The following SLC25A42 variants were observed in gnomAD, a reference collection of about 807,000 sequenced individuals.
The protein encoded by SLC25A42 is solute carrier family 25 member 42.
A neutral mutation model predicts 34.7 loss-of-function variants in SLC25A42; 19 were observed. The ratio of observed to expected loss-of-function variants is 0.55; its 90% CI spans 0.38 to 0.80. The LOEUF (loss-of-function observed/expected upper bound fraction) is 0.80, where lower values mean the gene tolerates loss of function less well. SLC25A42 is among the 30% of genes least tolerant of loss of function. The pLI is 0.00. For synonymous variants in SLC25A42, 205 were observed against 191.2 expected, an observed-to-expected ratio of 1.07 and a Z score of -0.59; for missense variants, 364 against 441.3, an observed-to-expected ratio of 0.82 and a Z score of 1.57.
intron 5 of SLC25A42, 194 bp from the exon 6 acceptor site, chr19:19,106,075 C>A: frequency 1.7e-6 from 1 of 576,756 alleles, no homozygotes. Flanking sequence ...GGAAGGCAGC[C>A]ATGTAAACCT....
At chr19:19,084,058 G>A (rs1163065725) in intron 1 of SLC25A42, among the ~76,000 whole-genome samples, 1 of 106,538 alleles carries the variant, frequency 9.4e-6, no homozygotes, top group Non-Finnish European at 1.9e-5. Context: ...ACACCTGACT[G>A]CACCCCACCA....
intron 1 of SLC25A42, among the ~76,000 whole-genome samples, chr19:19,071,332 T>C (rs2059629050): frequency 6.6e-6 from 1 of 152,134 alleles, no homozygotes; most frequent in African/African-American, 2.4e-5. Flanking sequence ...TTAATTTTGC[T>C]TTCTGGGCTG....
intron 1 of SLC25A42, among the ~76,000 whole-genome samples, chr19:19,088,871 G>C (rs900244043): frequency 6.7e-6 from 1 of 148,754 alleles, no homozygotes; most frequent in African/African-American, 2.5e-5. Context: ...GCAGCGGCAC[G>C]ATCTTGGCTC....
At chr19:19,072,290 C>A (rs1332145875) in intron 1 of SLC25A42, among the ~76,000 whole-genome samples, 1 of 152,226 alleles carries the variant, frequency 6.6e-6, no homozygotes, top group Non-Finnish European at 1.5e-5. Context: ...CGATACTTAC[C>A]AATACTTGTC....
intron 1 of SLC25A42, among the ~76,000 whole-genome samples, chr19:19,079,380 C>G (rs1474199843): frequency 2.6e-5 from 4 of 151,940 alleles, no homozygotes; most frequent in African/African-American, 9.7e-5. Flanking sequence ...TTCATCACCC[C>G]CAAAAGGAAA....
At chr19:19,069,838 T>C (rs1401310642) in intron 1 of SLC25A42, among the ~76,000 whole-genome samples, 1 of 151,838 alleles carries the variant, frequency 6.6e-6, no homozygotes, top group Non-Finnish European at 1.5e-5. Flanking sequence ...CTTTTTTTTT[T>C]TTTTTGAGAC....
intron 1 of SLC25A42, among the ~76,000 whole-genome samples, chr19:19,088,882 A>G (rs560216598): frequency 6.7e-6 from 1 of 150,066 alleles, no homozygotes; most frequent in African/African-American, 2.5e-5. Context: ...ATCTTGGCTC[A>G]CTGTAACCTC....
rs1274968060 is a variant in SLC25A42, at chr19:19,096,181, C to G, written c.57C>G (p.Val19=). 8 of 1,613,844 alleles carry G rather than the reference C, an allele frequency of 5.0e-6. No homozygotes were observed. Among genetic ancestry groups the G allele is most frequent in the Non-Finnish European group, 5.9e-6 (7 of 1,179,948 alleles). ...PVRLHEDAEA[V]LSSSVSSKRD... ...GATTGCATGAGGATGCTGAGGCTGT[C>G]CTGTCCTCGTCCGTCTCATCAAAGG... The change falls in exon 2 of 8, where the codon GTC becomes GTG. Residue 19 remains valine (V), a synonymous_variant. Transcript: ENST00000318596.
chr19:19,107,821 C>G (rs996713642), intron 6 of SLC25A42, 73 bp from the exon 7 acceptor site: 8 of 1,567,686 alleles, frequency 5.1e-6, no homozygotes, highest in Non-Finnish European at 7.0e-6. Context: ...CGGGAGGAGC[C>G]GAGAGCCTCT....
chr19:19,106,245 G>C (rs758951143), intron 5 of SLC25A42, 24 bp from the exon 6 acceptor site: 6 of 1,595,436 alleles, frequency 3.8e-6, no homozygotes, highest in Middle Eastern at 1.8e-4. Context: ...CTGCCGTCTC[G>C]CCTTCTCCTC....
At chr19:19,105,306 C>A (rs957554314) in intron 4 of SLC25A42, 1 of 581,116 alleles carries the variant, frequency 1.7e-6, no homozygotes. Flanking sequence ...GCCTGGTTCG[C>A]TTTGCAGTCC....
At chr19:19,074,723 A>ATGTG (rs35554466) in intron 1 of SLC25A42, among the ~76,000 whole-genome samples, 21 of 150,700 alleles carry the variant, frequency 1.4e-4, no homozygotes, top group African/African-American at 4.1e-4. Flanking sequence ...GCGTGCGTGT[A>ATGTG]TGTGTGTGTG....
chr19:19,108,139 C>T (rs2059843908), intron 7 of SLC25A42, 94 bp downstream of exon 7: 7 of 1,420,402 alleles, frequency 4.9e-6, no homozygotes, highest in Admixed American at 2.5e-5. Flanking sequence ...GGAGACCAGG[C>T]GGAGTGGGGT....
chr19:19,106,240 G>A (rs1163158878), intron 5 of SLC25A42, 29 bp from the exon 6 acceptor site: 2 of 1,589,564 alleles, frequency 1.3e-6, no homozygotes, highest in Non-Finnish European at 1.7e-6. Flanking sequence ...CCTCACTGCC[G>A]TCTCGCCTTC....
chr19:19,097,330 GGGGTCA>G (rs1568519224), intron 2 of SLC25A42, among the ~76,000 whole-genome samples: 2 of 152,158 alleles, frequency 1.3e-5, no homozygotes, highest in African/African-American at 4.8e-5. Flanking sequence ...CTCATTCACC[GGGGTCA>G]CCACCAGGTG....
chr19:19,100,549 C>A (rs1407913369), intron 2 of SLC25A42, among the ~76,000 whole-genome samples: 1 of 152,132 alleles, frequency 6.6e-6, no homozygotes, highest in East Asian at 1.9e-4. Context: ...TCATTCCTCC[C>A]CACCTAATAC....
intron 1 of SLC25A42, among the ~76,000 whole-genome samples, chr19:19,079,319 G>A (rs564889406): frequency 4.6e-5 from 7 of 152,086 alleles, no homozygotes; most frequent in Non-Finnish European, 8.8e-5. Context: ...GCCTCCTGAA[G>A]TGCTGGAATT....
chr19:19,083,673 T>C (rs1044376434), intron 1 of SLC25A42, among the ~76,000 whole-genome samples: 2 of 152,042 alleles, frequency 1.3e-5, no homozygotes, highest in Admixed American at 1.3e-4. Context: ...AGTGAACGAG[T>C]GTCGTGGAGG....
In SLC25A42 at chr19:19,110,682, C is replaced by A; in HGVS notation, c.763C>A (p.Gln255Lys). 6.4e-7 allele frequency: 1 copy of A among 1,573,062 alleles called. No individual in the cohort carries two copies. The highest frequency in any genetic ancestry group is 8.6e-7 in the Non-Finnish European group (1 of 1,160,616). ...GCTGGATGTGGTGCGGCGGCGCATG[C>A]AGACGGCCGGCGTCACGGGCTACCC... The part of the protein sequence containing the change: ...YPLDVVRRRM[Q>K]TAGVTGYPRA... The change falls in exon 8 of 8, where the codon CAG becomes AAG. Residue 255 changes from glutamine (Q) to lysine (K), a missense_variant. By Grantham distance (53) the Gln-to-Lys change is moderately conservative. Coordinates refer to ENST00000318596, the MANE Select transcript of SLC25A42 (RefSeq NM_178526.5).
Sources: gnomAD v4.1 joint callset for allele counts (sites outside exome capture counted in the v4.1 genomes callset) on GRCh38, gnomAD v4.1.1 for gene constraint, MANE v1.5 for transcripts, NCBI Gene and HGNC (gene_info 2026-07-23, HGNC 2026-07-21) for gene names.